The following MYO1H variants were observed in gnomAD, a reference collection of about 807,000 sequenced individuals.
MYO1H encodes myosin IH.
In MYO1H, 118 loss-of-function variants were observed where a neutral mutation model predicts 149.3. The ratio of observed to expected loss-of-function variants is 0.79; its 90% CI spans 0.68 to 0.92. MYO1H has a LOEUF of 0.92. MYO1H is among the 40% of genes least tolerant of loss of function. The pLI is 0.00. For missense variants in MYO1H, 1,212 were observed against 1,280.7 expected (o/e 0.95, Z 0.82); for synonymous variants, 447 against 465.2 (o/e 0.96, Z 0.50).
At chr12:109,424,273 A>C (rs757430031) in intron 16 of MYO1H, among the ~76,000 whole-genome samples, 22 of 152,164 alleles carry the variant, frequency 1.4e-4, no homozygotes, top group Non-Finnish European at 2.8e-4. Flanking sequence ...TGATCCTCCT[A>C]CCTCAGCCTC....
the MYO1H span, among the ~76,000 whole-genome samples, chr12:109,331,965 C>G: frequency 6.6e-6 from 1 of 152,280 alleles, no homozygotes; most frequent in African/African-American, 2.4e-5. Flanking sequence ...AGCTATTTAA[C>G]TCCTCTATGC....
At chr12:109,396,724 T>A in intron 4 of MYO1H, 142 bp downstream of exon 4, 3 of 635,108 alleles carry the variant, frequency 4.7e-6, no homozygotes, top group Non-Finnish European at 7.5e-6. Context: ...GTTAAGGGTG[T>A]GACCTGGAAC....
In MYO1H at chr12:109,441,699, A is replaced by AG. The variant is rs746048571; in HGVS notation, c.2624dup (p.Ser875ArgfsTer5). 2.5e-6 allele frequency: 4 copies of AG among 1,610,274 alleles called. No individual in the cohort carries two copies. The highest frequency in any genetic ancestry group is 3.4e-6 in the Non-Finnish European group (4 of 1,177,620). On this transcript the variant is annotated frameshift_variant, in exon 26 of 32. Coordinates refer to ENST00000310903, the Ensembl canonical transcript of MYO1H. LOFTEE classifies it high-confidence loss of function. ...AAGTTTAAATCAACCCTTTGTCAAC[A>AG]GTCGGATAGGTAAGTACATTTTCCA... is the stretch of plus-strand genomic sequence containing the variant.
chr12:109,353,375 C>CA (rs1418941255), intron 1 of MYO1H, among the ~76,000 whole-genome samples: 41 of 103,108 alleles, frequency 4.0e-4, no homozygotes, highest in Non-Finnish European at 8.8e-5. Context: ...GCCTGGGTGA[C>CA]AGAGCGAGAC....
At chr12:109,413,695 A>T (rs1322483125) in intron 14 of MYO1H, among the ~76,000 whole-genome samples, 2 of 152,154 alleles carry the variant, frequency 1.3e-5, no homozygotes, top group African/African-American at 4.8e-5. Flanking sequence ...GGATCACCTG[A>T]GGTCAAGAGT....
chr12:109,443,522 C>A (rs1038664091), exon 28 of MYO1H: 1 of 1,613,712 alleles, frequency 6.2e-7, no homozygotes, highest in Non-Finnish European at 8.5e-7. Flanking sequence ...AGTATGGTGT[C>A]CCGGTCATTA....
intron 1 of MYO1H, chr12:109,357,390 T>C (rs1868632208): frequency 6.6e-6 from 1 of 152,222 alleles, no homozygotes. Flanking sequence ...TCTTGGTGTG[T>C]GCAGTTTTAA....
intron 1 of MYO1H, among the ~76,000 whole-genome samples, chr12:109,348,397 C>T (rs1183318536): frequency 6.6e-6 from 1 of 152,162 alleles, no homozygotes; most frequent in Non-Finnish European, 1.5e-5. Flanking sequence ...CCACATGTGG[C>T]TAGTGGCTAC....
chr12:109,330,825 T>C, the MYO1H span, among the ~76,000 whole-genome samples: 1 of 152,084 alleles, frequency 6.6e-6, no homozygotes, highest in African/African-American at 2.4e-5. Context: ...GCCCCTTTTT[T>C]CCCCCAGCTA....
At chr12:109,412,953 TTTG>T (rs79763914) in intron 14 of MYO1H, among the ~76,000 whole-genome samples, 104 of 147,084 alleles carry the variant, frequency 7.1e-4, no homozygotes, top group African/African-American at 1.7e-3. Flanking sequence ...GCCCGGCTAA[TTTG>T]TTGTTGTTGT....
At chr12:109,443,028 ATGTG>A (rs1190606380) in intron 27 of MYO1H, among the ~76,000 whole-genome samples, 1 of 82,298 alleles carries the variant, frequency 1.2e-5, no homozygotes, top group African/African-American at 5.6e-5. Flanking sequence ...ATATATATAT[ATGTG>A]TGTGTGTGTG....
chr12:109,401,344 G>T, intron 6 of MYO1H, 72 bp downstream of exon 6: 1 of 1,459,746 alleles, frequency 6.9e-7, no homozygotes, highest in Non-Finnish European at 9.2e-7. Context: ...ACGTGCTGCT[G>T]TAGGATGTTT....
intron 1 of MYO1H, among the ~76,000 whole-genome samples, chr12:109,366,324 A>G (rs1451899325): frequency 6.6e-6 from 1 of 152,172 alleles, no homozygotes; most frequent in Non-Finnish European, 1.5e-5. Flanking sequence ...CTGTGTACCA[A>G]TGGCCCATCA....
At chr12:109,428,612 G>C (rs1445469300) in intron 19 of MYO1H, among the ~76,000 whole-genome samples, 1 of 152,166 alleles carries the variant, frequency 6.6e-6, no homozygotes, top group African/African-American at 2.4e-5. Context: ...CAGAATGGTT[G>C]AATAGCAGAA....
chr12:109,413,930 C>T (rs1180067478), intron 14 of MYO1H, among the ~76,000 whole-genome samples: 1 of 151,870 alleles, frequency 6.6e-6, no homozygotes, highest in Non-Finnish European at 1.5e-5. Flanking sequence ...AAAAGGACTA[C>T]ATTCTATATA....
chr12:109,359,972 C>T (rs1868705260), intron 1 of MYO1H, among the ~76,000 whole-genome samples: 1 of 152,146 alleles, frequency 6.6e-6, no homozygotes, highest in Non-Finnish European at 1.5e-5. Context: ...AGCGACTCCC[C>T]GCGACCTCTG....
At chr12:109,427,500 G>A (rs1871398385) in exon 19 of MYO1H, 2 of 1,612,870 alleles carry the variant, frequency 1.2e-6, no homozygotes. Flanking sequence ...TAAGGCATCA[G>A]ATCAAATACC....
chr12:109,358,404 CTT>C (rs796663555), intron 1 of MYO1H, among the ~76,000 whole-genome samples: 12 of 152,238 alleles, frequency 7.9e-5, no homozygotes, highest in African/African-American at 2.9e-4. Context: ...AAGTTGATCT[CTT>C]TTGGTTCTGC....
At chr12:109,370,285 C>T (rs894396655) in intron 1 of MYO1H, among the ~76,000 whole-genome samples, 1 of 152,170 alleles carries the variant, frequency 6.6e-6, no homozygotes, top group Non-Finnish European at 1.5e-5. Flanking sequence ...CTCACCCCTT[C>T]AACAGGACTG....
Sources: allele counts gnomAD v4.1 joint callset (sites outside exome capture counted in the v4.1 genomes callset), GRCh38; gene constraint gnomAD v4.1.1; transcripts MANE v1.5; gene names NCBI Gene and HGNC (gene_info 2026-07-23, HGNC 2026-07-21).